The following NXPH2 variants were observed in gnomAD, a reference collection of about 807,000 sequenced individuals.
NXPH2 encodes neurexophilin-2.
A neutral mutation model predicts 19.8 loss-of-function variants in NXPH2; 5 were observed. The observed-to-expected ratio is 0.25, with a 90% CI of 0.13 to 0.53. The LOEUF is 0.53. NXPH2 is among the 20% of genes least tolerant of loss of function. The pLI, the probability that NXPH2 is intolerant of heterozygous loss-of-function variation, is 0.96. For synonymous variants in NXPH2, 154 were observed against 127.4 expected, an observed-to-expected ratio of 1.21 and a Z score of -1.41; for missense variants, 289 against 322.8, an observed-to-expected ratio of 0.90 and a Z score of 0.80.
chr2:138,763,088 T>C (rs936324361), intron 1 of NXPH2, among the ~76,000 whole-genome samples: 45 of 152,124 alleles, frequency 3.0e-4, no homozygotes, highest in African/African-American at 1.1e-3. Context: ...AAAAATCTGA[T>C]ACAGGATGAT....
chr2:138,763,027 T>C (rs1162624915), intron 1 of NXPH2, among the ~76,000 whole-genome samples: 1 of 152,202 alleles, frequency 6.6e-6, no homozygotes, highest in African/African-American at 2.4e-5. Flanking sequence ...TCATATCTGG[T>C]CTTTCAAAAA....
Position 138,671,588 on chromosome 2 carries a change from C to T in NXPH2, c.129G>A (p.Leu43=), listed in dbSNP as rs2104963020. The T allele has an allele frequency of 6.2e-7, 1 of 1,612,810 alleles. No individual in the cohort carries two copies. The highest frequency in any genetic ancestry group is 8.5e-7 in the Non-Finnish European group (1 of 1,179,360). ...DWEDKDAPGT[L]VGNVVHSRII... is the part of the protein sequence containing the mutation. ...TCCTTGAGTGCACCACGTTGCCGAC[C>T]AACGTCCCTGGAGCATCTTTGTCTT... The change falls in exon 2 of 2, where the codon TTG becomes TTA. Residue 43 remains leucine, a synonymous_variant. Transcript: ENST00000272641.
At chr2:138,725,820 T>C (rs1323763095) in intron 1 of NXPH2, among the ~76,000 whole-genome samples, 2 of 152,192 alleles carry the variant, frequency 1.3e-5, no homozygotes, top group African/African-American at 4.8e-5. Flanking sequence ...CCATTTACTG[T>C]ATGTAAAGAA....
intron 1 of NXPH2, among the ~76,000 whole-genome samples, chr2:138,715,150 T>C (rs901455118): frequency 2.6e-5 from 4 of 152,230 alleles, no homozygotes; most frequent in African/African-American, 9.6e-5. Flanking sequence ...TTTGTTTTTT[T>C]ACTTGAATCC....
chr2:138,743,850 A>G (rs1232306003), intron 1 of NXPH2, among the ~76,000 whole-genome samples: 16 of 151,966 alleles, frequency 1.1e-4, no homozygotes, highest in Admixed American at 1.0e-3. Flanking sequence ...TAAAAGTACA[A>G]AAATTAGTCA....
rs112304823 is a variant in NXPH2 at position 138,690,598 on chromosome 2, A to G, written c.52-18933T>C. Among the ~76,000 whole-genome samples, 1,334 of 150,966 alleles carry G rather than the reference A, an allele frequency of 8.8e-3. 24 individuals are homozygous for G. Among genetic ancestry groups the G allele is most frequent in the African/African-American group, 0.032 (1,287 of 40,786 alleles). ...CTCAGAAATTGAAAAAAAAAAAAAC[A>G]AAACTCAGAAAACTTTGCTCATGGC... On this transcript the variant is annotated intron_variant, in intron 1 of 1. Coordinates refer to ENST00000272641, the MANE Select transcript of NXPH2 (RefSeq NM_007226.3).
chr2:138,755,994 A>G (rs1180444731), intron 1 of NXPH2, among the ~76,000 whole-genome samples: 1 of 152,052 alleles, frequency 6.6e-6, no homozygotes, highest in African/African-American at 2.4e-5. Flanking sequence ...TATACAGGAA[A>G]CAAATGAACT....
At chr2:138,682,905 C>T (rs1372731867) in intron 1 of NXPH2, among the ~76,000 whole-genome samples, 1 of 152,162 alleles carries the variant, frequency 6.6e-6, no homozygotes, top group African/African-American at 2.4e-5. Flanking sequence ...TCTAGACACA[C>T]AGAAATATCA....
At chr2:138,693,564 T>G (rs531680006) in intron 1 of NXPH2, among the ~76,000 whole-genome samples, 53 of 152,194 alleles carry the variant, frequency 3.5e-4, no homozygotes, top group Non-Finnish European at 6.8e-4. Flanking sequence ...TTATAGATTC[T>G]TGATGGTGAC....
At chr2:138,696,581 T>G (rs967353920) in intron 1 of NXPH2, among the ~76,000 whole-genome samples, 3 of 152,130 alleles carry the variant, frequency 2.0e-5, no homozygotes, top group Admixed American at 1.3e-4. Context: ...GGGCTAAAAT[T>G]AAAAAGACTG....
At position 138,676,237 on chromosome 2, in the gene NXPH2, T is replaced by A. The variant is rs1680482977; in HGVS notation, c.52-4572A>T. On this transcript the variant is annotated intron_variant, in intron 1 of 1. Coordinates refer to ENST00000272641, the MANE Select transcript of NXPH2 (RefSeq NM_007226.3). ...TAAAGGGCAAATATATTTCTCTATG[T>A]CTTTAAACAGATGACAATTTTATCT... Among the ~76,000 whole-genome samples the A allele has an allele frequency of 1.3e-5, 2 of 152,216 alleles. 1 individual carries two copies. The highest frequency in any genetic ancestry group is 4.1e-4 in the South Asian group (2 of 4,836).
chr2:138,778,134 C>T (rs112758590), intron 1 of NXPH2, among the ~76,000 whole-genome samples: 15 of 152,256 alleles, frequency 9.9e-5, no homozygotes, highest in African/African-American at 3.6e-4. Context: ...CACATTCTAA[C>T]CCCCTTGTGT....
At chr2:138,676,817 C>T (rs979644773) in intron 1 of NXPH2, among the ~76,000 whole-genome samples, 1 of 152,164 alleles carries the variant, frequency 6.6e-6, no homozygotes, top group African/African-American at 2.4e-5. Flanking sequence ...TTGTTCAGTG[C>T]CATGTGATAA....
rs369193800 is a variant in NXPH2, at chr2:138,731,751, C to A, written c.51+48440G>T. On this transcript the variant is annotated intron_variant, in intron 1 of 1. Coordinates refer to ENST00000272641, the MANE Select transcript of NXPH2 (RefSeq NM_007226.3). ...AGACCAAGGACCCAAGATCAGCATT[C>A]ATTTATATAGCAAGTAGGGCCATTG... Among the ~76,000 whole-genome samples, 9 of 152,064 alleles carry A rather than the reference C, an allele frequency of 5.9e-5. No homozygotes were observed. In the East Asian group the frequency reaches 1.2e-3, roughly 20 times the overall value.
Position 138,756,706 on chromosome 2 carries a change from A to G in NXPH2, c.51+23485T>C, listed in dbSNP as rs141799440. 3.4e-3 allele frequency among the ~76,000 whole-genome samples: 517 copies of G among 152,306 alleles called. 6 individuals carry two copies. Among genetic ancestry groups the G allele is most frequent in the Middle Eastern group, 0.01 (3 of 294 alleles). ...ACACTGATATAATAATAGCAACTCT[A>G]TTGGCAGAAGCAGAAGTTTTCGCTC... On this transcript the variant is annotated intron_variant, in intron 1 of 1. Coordinates refer to ENST00000272641, the MANE Select transcript of NXPH2 (RefSeq NM_007226.3).
chr2:138,763,136 A>G (rs1430067154), intron 1 of NXPH2, among the ~76,000 whole-genome samples: 1 of 152,206 alleles, frequency 6.6e-6, no homozygotes, highest in African/African-American at 2.4e-5. Context: ...AAATTAAGTT[A>G]TACTAAGAAA....
chr2:138,726,243 C>G (rs1415855273), intron 1 of NXPH2, among the ~76,000 whole-genome samples: 1 of 152,054 alleles, frequency 6.6e-6, no homozygotes, highest in Admixed American at 6.5e-5. Context: ...TGGGATTTCA[C>G]CACGTTGGCC....
intron 1 of NXPH2, among the ~76,000 whole-genome samples, chr2:138,716,081 T>C (rs1459035095): frequency 6.6e-6 from 1 of 152,248 alleles, no homozygotes. Context: ...GAAAAACTGC[T>C]ATTATCTCTG....
chr2:138,681,335 AAAC>A (rs1302378167), intron 1 of NXPH2, among the ~76,000 whole-genome samples: 1 of 152,224 alleles, frequency 6.6e-6, no homozygotes, highest in Non-Finnish European at 1.5e-5. Flanking sequence ...AGGCAAAGCA[AAAC>A]AACCTAATTT....
Sources: allele counts gnomAD v4.1 joint callset (sites outside exome capture counted in the v4.1 genomes callset), GRCh38; gene constraint gnomAD v4.1.1; transcripts MANE v1.5; gene names NCBI Gene and HGNC (gene_info 2026-07-23, HGNC 2026-07-21).